ZBTB44: variants seen among roughly 807,000 people sequenced by gnomAD.
The protein encoded by ZBTB44 is zinc finger and BTB domain-containing protein 44.
In ZBTB44, 15 loss-of-function variants were observed where a neutral mutation model predicts 54.0. The ratio of observed to expected loss-of-function variants is 0.28; its 90% confidence interval spans 0.19 to 0.43. The LOEUF is 0.43. ZBTB44 is among the 20% of genes least tolerant of loss of function. ZBTB44 has a pLI of 1.00. For missense variants in ZBTB44, 487 were observed against 707.1 expected (o/e 0.69, Z 3.53); for synonymous variants, 230 against 250.1 (o/e 0.92, Z 0.76).
chr11:130,243,846 C>T (rs1321756143), intron 2 of ZBTB44, among the ~76,000 whole-genome samples: 1 of 152,104 alleles, frequency 6.6e-6, no homozygotes, highest in Non-Finnish European at 1.5e-5. Context: ...CTTGGTATTG[C>T]AGGATTTTTA....
At position 130,261,076 on chromosome 11, in the gene ZBTB44, C is replaced by T; in HGVS notation, c.798G>A (p.Met266Ile). Reference sequence around the variant, plus strand: ...TGCTCTCACAAGTCACATAATCAGCCATTCTTCTACCGGTCTCAGATGGGC... The same window carrying T: ...TGCTCTCACAAGTCACATAATCAGCTATTCTTCTACCGGTCTCAGATGGGC... Reference protein sequence around the residue: ...LPGPSETGRRMADYVTCESTK... With the variant: ...LPGPSETGRRIADYVTCESTK... Residue 266 changes from methionine to isoleucine, a missense_variant, in exon 2 of 8, where the codon ATG becomes ATA. Physicochemically the swap from Met to Ile is conservative, Grantham distance 10. This residue lies in a region of ZBTB44 where 277 missense variants were observed against 306.5 expected (regional missense o/e 0.90). Transcript: ENST00000357899. The surrounding 1 kb of genome is among the most constrained non-coding windows in gnomAD (Gnocchi z 4.8). 1 of 1,614,006 alleles carries T rather than the reference C, an allele frequency of 6.2e-7. No individual in the cohort carries two copies. The highest frequency in any genetic ancestry group is 8.5e-7 in the Non-Finnish European group (1 of 1,179,902).
rs1202967017 is a variant in ZBTB44 at position 130,289,593 on chromosome 11, CTT to C, written c.-57+24780_-57+24781del. Among the ~76,000 whole-genome samples the C allele has an allele frequency of 3.1e-5, 4 of 130,904 alleles. No individual in the cohort carries two copies. The East Asian group carries it at 9.6e-4, about 31-fold the overall frequency. The allele number at this position is 130,904 out of a possible 152,430, so 85.9% of individuals were successfully genotyped here. A position where few individuals can be genotyped will look rare whatever the true frequency, so the allele number is the denominator to read the frequency against. Reference sequence around the variant, plus strand: ...TTCAGAAGTTAGGTTTCCTTGCAGACTTTAAAAAAAAAAAGGTGGGGGTGGGG... The same window carrying C: ...TTCAGAAGTTAGGTTTCCTTGCAGACTAAAAAAAAAAAGGTGGGGGTGGGG... On this transcript the variant is annotated intron_variant, in intron 1 of 7. Coordinates refer to ENST00000357899, the MANE Select transcript of ZBTB44 (RefSeq NM_001301098.2).
chr11:130,310,300 T>G (rs901150790), intron 1 of ZBTB44: 1 of 152,192 alleles, frequency 6.6e-6, no homozygotes, highest in African/African-American at 2.4e-5. Context: ...CTGCACTAAA[T>G]TAGGCATCAA....
At chr11:130,272,363 AT>A (rs1939737443) in intron 1 of ZBTB44, among the ~76,000 whole-genome samples, 1 of 152,232 alleles carries the variant, frequency 6.6e-6, no homozygotes, top group African/African-American at 2.4e-5. Context: ...CATTTCCCTG[AT>A]AAGTAACAAT....
intron 1 of ZBTB44, chr11:130,296,031 G>C: frequency 1.3e-6 from 2 of 1,579,016 alleles, no homozygotes; most frequent in Non-Finnish European, 1.7e-6. Context: ...AAAACCTGCA[G>C]TGTCTGGTTA....
Position 130,236,972 on chromosome 11 carries a change from A to C in ZBTB44, c.1389T>G (p.Thr463=), listed in dbSNP as rs766474319. 8 of 1,613,380 alleles carry C rather than the reference A, an allele frequency of 5.0e-6. 1 individual carries two copies. The South Asian group carries it at 8.8e-5, about 18-fold the overall frequency. The change falls in exon 5 of 8, where the codon ACT becomes ACG. Residue 463 remains threonine, a synonymous_variant. Coordinates refer to ENST00000357899, the MANE Select transcript of ZBTB44 (RefSeq NM_001301098.2). ...GTTTATATTCCCCGAAGGAAGTGAA[A>C]GTGGCACTACATATCTGGCACCGGA... ...RCFRCQICSA[T]FTSFGEYKHH... is the part of the protein sequence containing the mutation.
chr11:130,252,726 C>CA (rs1469359205), intron 2 of ZBTB44, among the ~76,000 whole-genome samples: 1 of 152,164 alleles, frequency 6.6e-6, no homozygotes, highest in Non-Finnish European at 1.5e-5. Context: ...ATGAGGCCAG[C>CA]ACCATCCTGA....
At chr11:130,276,734 T>A (rs1031054227) in intron 1 of ZBTB44, among the ~76,000 whole-genome samples, 1 of 152,192 alleles carries the variant, frequency 6.6e-6, no homozygotes, top group Non-Finnish European at 1.5e-5. Flanking sequence ...CGGCCTGTTC[T>A]ATACATTATT....
intron 1 of ZBTB44, chr11:130,296,520 C>G: frequency 1.1e-6 from 1 of 883,930 alleles, no homozygotes; most frequent in East Asian, 2.4e-5. Flanking sequence ...CTGGACATTC[C>G]TCAAGTCAAC....
chr11:130,294,796 T>C (rs771298185), intron 1 of ZBTB44, among the ~76,000 whole-genome samples: 21 of 152,150 alleles, frequency 1.4e-4, no homozygotes, highest in Non-Finnish European at 2.8e-4. Flanking sequence ...CACATCATAT[T>C]ATTTTATCTA....
intron 5 of ZBTB44, chr11:130,236,492 G>T: frequency 3.8e-6 from 1 of 264,794 alleles, no homozygotes; most frequent in Non-Finnish European, 6.9e-6. Flanking sequence ...TCTATTTAAG[G>T]TCCATTACAG....
intron 2 of ZBTB44, among the ~76,000 whole-genome samples, chr11:130,248,358 G>A (rs916850105): frequency 6.6e-6 from 1 of 152,150 alleles, no homozygotes; most frequent in Admixed American, 6.5e-5. Flanking sequence ...ACATCATATT[G>A]GAGTTGGGCA....
chr11:130,314,179 C>T (rs1942802162), intron 1 of ZBTB44, among the ~76,000 whole-genome samples, 196 bp downstream of exon 1: 1 of 152,112 alleles, frequency 6.6e-6, no homozygotes, highest in South Asian at 2.1e-4. Context: ...ACCGCGGGGC[C>T]CAAGGCCGGT....
chr11:130,258,956 C>T (rs1309157767), intron 2 of ZBTB44, among the ~76,000 whole-genome samples: 6 of 152,112 alleles, frequency 3.9e-5, no homozygotes, highest in Admixed American at 2.6e-4. Flanking sequence ...AGCCAAATCA[C>T]GAGTGAACTC....
chr11:130,297,078 T>C, intron 1 of ZBTB44: 1 of 628,474 alleles, frequency 1.6e-6, no homozygotes, highest in South Asian at 2.0e-5. Flanking sequence ...TCTTTCATCT[T>C]GAATAACTGT....
chr11:130,277,379 A>G (rs1565671312), intron 1 of ZBTB44, among the ~76,000 whole-genome samples: 1 of 152,220 alleles, frequency 6.6e-6, no homozygotes, highest in Non-Finnish European at 1.5e-5. Flanking sequence ...TGACTACTAT[A>G]TATGTCAATT....
At chr11:130,252,381 A>G (rs1174096844) in intron 2 of ZBTB44, among the ~76,000 whole-genome samples, 2 of 152,202 alleles carry the variant, frequency 1.3e-5, no homozygotes, top group African/African-American at 4.8e-5. Context: ...ACAGAAAATT[A>G]ACAAAGATAT....
intron 1 of ZBTB44, among the ~76,000 whole-genome samples, chr11:130,275,519 T>A (rs1485826834): frequency 6.6e-6 from 1 of 152,158 alleles, no homozygotes; most frequent in African/African-American, 2.4e-5. Context: ...ATTTCTTTTT[T>A]GATCTGTTGG....
intron 1 of ZBTB44, among the ~76,000 whole-genome samples, chr11:130,294,321 A>G (rs1941494968): frequency 1.3e-5 from 2 of 151,982 alleles, no homozygotes; most frequent in Admixed American, 1.3e-4. Context: ...CTGAGGCACA[A>G]GAATTGCTTG....
Sources: allele counts gnomAD v4.1 joint callset (sites outside exome capture counted in the v4.1 genomes callset), GRCh38; gene constraint gnomAD v4.1.1; regional missense constraint gnomAD v4.1.1; non-coding constraint Gnocchi (gnomAD v3.1); transcripts MANE v1.5; gene names NCBI Gene and HGNC (gene_info 2026-07-23, HGNC 2026-07-21).